PRELID2: variants seen among roughly 807,000 people sequenced by gnomAD.
PRELID2 encodes the protein PRELI domain containing 2.
A neutral mutation model predicts 28.4 loss-of-function variants in PRELID2; 25 were observed. The ratio of observed to expected loss-of-function variants is 0.88; its 90% CI spans 0.64 to 1.23. PRELID2 has a LOEUF of 1.23. Among genes scored for constraint, PRELID2 ranks in the 50% most tolerant of loss-of-function variants. The pLI, the probability that PRELID2 is intolerant of heterozygous loss-of-function variation, is 0.00. For missense variants in PRELID2, 201 were observed against 214.4 expected (o/e 0.94, Z 0.39); for synonymous variants, 76 against 71.6 (o/e 1.06, Z -0.31).
chr5:145,380,931 A>G, the PRELID2 span, among the ~76,000 whole-genome samples: 1 of 152,220 alleles, frequency 6.6e-6, no homozygotes, highest in Non-Finnish European at 1.5e-5. Flanking sequence ...TGCATGTTCT[A>G]GAACAACAAA....
At chr5:145,404,130 C>T in the PRELID2 span, among the ~76,000 whole-genome samples, 2 of 152,276 alleles carry the variant, frequency 1.3e-5, no homozygotes, top group Non-Finnish European at 2.9e-5. Flanking sequence ...ATAAATTAAG[C>T]GTAACATTCT....
the PRELID2 span, among the ~76,000 whole-genome samples, chr5:145,313,546 T>A: frequency 8.1e-6 from 1 of 123,350 alleles, no homozygotes; most frequent in African/African-American, 3.8e-5. Flanking sequence ...CTCTTTATGC[T>A]GTTTATAGCC....
chr5:145,268,754 T>C, the PRELID2 span, among the ~76,000 whole-genome samples: 655 of 151,540 alleles, frequency 4.3e-3, 2 homozygotes, highest in African/African-American at 0.015. Flanking sequence ...AAAATAACTA[T>C]CTATATTTGT....
chr5:145,603,902 A>C (rs1171724617), intron 1 of PRELID2, among the ~76,000 whole-genome samples: 5 of 152,270 alleles, frequency 3.3e-5, no homozygotes, highest in African/African-American at 9.6e-5. Context: ...CAGTGTACCC[A>C]ATAAATATAA....
chr5:145,510,341 C>A (rs779269906), intron 1 of PRELID2, among the ~76,000 whole-genome samples: 4 of 152,170 alleles, frequency 2.6e-5, no homozygotes, highest in Admixed American at 6.5e-5. Context: ...AGACTTTTTT[C>A]TCTCCATTGA....
At chr5:145,646,324 C>A (rs756478251) in intron 1 of PRELID2, among the ~76,000 whole-genome samples, 1 of 152,000 alleles carries the variant, frequency 6.6e-6, no homozygotes, top group Non-Finnish European at 1.5e-5. Context: ...TTGATCTGTA[C>A]GGCTATTGAT....
At chr5:145,832,171 GT>G (rs1030308994) in intron 1 of PRELID2, among the ~76,000 whole-genome samples, 103 of 152,184 alleles carry the variant, frequency 6.8e-4, no homozygotes, top group Admixed American at 8.5e-4. Context: ...GCACAGCCAA[GT>G]TTTTTGGGTT....
At chr5:145,722,420 C>T (rs1013202943) in intron 1 of PRELID2, among the ~76,000 whole-genome samples, 14 of 152,208 alleles carry the variant, frequency 9.2e-5, no homozygotes, top group African/African-American at 3.4e-4. Flanking sequence ...CTGTCTCAGT[C>T]TCCAGACTAG....
intron 1 of PRELID2, among the ~76,000 whole-genome samples, chr5:145,749,357 G>GA (rs1757072434): frequency 6.6e-6 from 1 of 151,982 alleles, no homozygotes; most frequent in South Asian, 2.1e-4. Context: ...AACAAACACA[G>GA]AAAAAAAGCT....
intron 5 of PRELID2, among the ~76,000 whole-genome samples, chr5:145,793,782 A>C (rs908383533): frequency 6.6e-6 from 1 of 152,158 alleles, no homozygotes; most frequent in African/African-American, 2.4e-5. Flanking sequence ...ACACTGTCCA[A>C]GGTACTATAG....
At chr5:145,568,070 A>G (rs899454437) in intron 1 of PRELID2, among the ~76,000 whole-genome samples, 1 of 152,224 alleles carries the variant, frequency 6.6e-6, no homozygotes, top group East Asian at 1.9e-4. Flanking sequence ...AGAAAGGAGA[A>G]GCACAGAAGG....
At chr5:145,810,113 T>C (rs1013442103) in intron 4 of PRELID2, among the ~76,000 whole-genome samples, 4 of 152,202 alleles carry the variant, frequency 2.6e-5, no homozygotes, top group African/African-American at 9.7e-5. Flanking sequence ...TTCTGAAAAG[T>C]CTAAAACAAT....
chr5:145,446,935 G>C, the PRELID2 span, among the ~76,000 whole-genome samples: 1 of 151,908 alleles, frequency 6.6e-6, no homozygotes, highest in Non-Finnish European at 1.5e-5. Flanking sequence ...AGTAATCCCA[G>C]CTACTTGGGA....
chr5:145,462,276 T>A, the PRELID2 span, among the ~76,000 whole-genome samples: 3 of 152,142 alleles, frequency 2.0e-5, no homozygotes, highest in East Asian at 3.9e-4. Flanking sequence ...AAATGTCAAG[T>A]CTTATACATA....
the PRELID2 span, among the ~76,000 whole-genome samples, chr5:145,421,127 C>CAGCTGCTGGAT: frequency 6.6e-6 from 1 of 151,730 alleles, no homozygotes; most frequent in South Asian, 2.1e-4. Flanking sequence ...CTGCTGGATT[C>CAGCTGCTGGAT]GTTTTGCTAG....
chr5:145,391,312 C>A, the PRELID2 span, among the ~76,000 whole-genome samples: 1 of 152,230 alleles, frequency 6.6e-6, no homozygotes, highest in Non-Finnish European at 1.5e-5. Context: ...TGTGCACCCA[C>A]AAGCTGAATA....
At chr5:145,311,219 T>C in the PRELID2 span, among the ~76,000 whole-genome samples, 1 of 152,182 alleles carries the variant, frequency 6.6e-6, no homozygotes, top group Non-Finnish European at 1.5e-5. Context: ...CTTTCCATGC[T>C]ACCATCTCAC....
At chr5:145,466,889 C>T (rs776290090), downstream of PRELID2, among the ~76,000 whole-genome samples, 1 of 152,132 alleles carries the variant, frequency 6.6e-6, no homozygotes, top group African/African-American at 2.4e-5. Flanking sequence ...CTCACACCTA[C>T]CACCCACCCT....
chr5:145,742,324 A>ATTT (rs1491518500), intron 1 of PRELID2, among the ~76,000 whole-genome samples: 2 of 48,804 alleles, frequency 4.1e-5, no homozygotes, highest in Non-Finnish European at 5.6e-5. Flanking sequence ...ATAAAAATAG[A>ATTT]TATATTTTTT....
Sources: gnomAD v4.1 joint callset for allele counts (sites outside exome capture counted in the v4.1 genomes callset) on GRCh38, gnomAD v4.1.1 for gene constraint, MANE v1.5 for transcripts, NCBI Gene and HGNC (gene_info 2026-07-23, HGNC 2026-07-21) for gene names.